Variants in FSTL5 observed in about 807,000 individuals in gnomAD.
The protein encoded by FSTL5 is follistatin like 5.
FSTL5 carries 62 observed loss-of-function variants against 89.1 expected under a neutral mutation model. The observed-to-expected ratio is 0.70, with a 90% CI of 0.57 to 0.86. The LOEUF is 0.86. Among genes scored for constraint, FSTL5 ranks in the 40% least tolerant of loss-of-function variants. The pLI is 0.00. For missense variants in FSTL5, 1,057 were observed against 1,001.6 expected, an observed-to-expected ratio of 1.06 and a Z score of -0.75; for synonymous variants, 383 against 346.2, an observed-to-expected ratio of 1.11 and a Z score of -1.18.
chr4:161,523,817 A>G (rs1161635412), intron 10 of FSTL5, among the ~76,000 whole-genome samples: 1 of 152,202 alleles, frequency 6.6e-6, no homozygotes, highest in Non-Finnish European at 1.5e-5. Flanking sequence ...TGCCTACTAT[A>G]TGTAAAAAAT....
chr4:161,662,128 CT>C (rs1736737235), intron 6 of FSTL5, among the ~76,000 whole-genome samples: 1 of 152,098 alleles, frequency 6.6e-6, no homozygotes, highest in African/African-American at 2.4e-5. Context: ...TGTGCTAAGA[CT>C]TTAAGGTGCC....
intron 1 of FSTL5, among the ~76,000 whole-genome samples, chr4:162,129,136 T>C (rs1732198178): frequency 6.6e-6 from 1 of 152,212 alleles, no homozygotes; most frequent in Admixed American, 6.6e-5. Flanking sequence ...TTTCGCCATG[T>C]TGACCAGGCT....
At chr4:161,731,406 T>G (rs916898702) in intron 6 of FSTL5, among the ~76,000 whole-genome samples, 1 of 152,092 alleles carries the variant, frequency 6.6e-6, no homozygotes. Flanking sequence ...AGGGGCAGAT[T>G]TCCCCCTTGC....
chr4:161,936,167 T>C (rs1228562536), intron 3 of FSTL5, among the ~76,000 whole-genome samples: 1 of 152,144 alleles, frequency 6.6e-6, no homozygotes, highest in Non-Finnish European at 1.5e-5. Context: ...CTTCCTTCAA[T>C]GGAATAGAGA....
chr4:161,563,403 C>T (rs1329857327), intron 8 of FSTL5, among the ~76,000 whole-genome samples: 1 of 151,932 alleles, frequency 6.6e-6, no homozygotes, highest in African/African-American at 2.4e-5. Context: ...TAATATTTTA[C>T]ATTTCCACTT....
At chr4:162,041,704 C>A (rs567114864) in intron 2 of FSTL5, 1 of 151,772 alleles carries the variant, frequency 6.6e-6, no homozygotes, top group Admixed American at 6.6e-5. Flanking sequence ...CTCAGTATTG[C>A]CCCAAATTAT....
At chr4:161,402,614 C>A (rs1224952463) in intron 15 of FSTL5, among the ~76,000 whole-genome samples, 2 of 152,148 alleles carry the variant, frequency 1.3e-5, no homozygotes, top group South Asian at 2.1e-4. Context: ...ACACTACACA[C>A]TCCCCGTGCA....
intron 9 of FSTL5, among the ~76,000 whole-genome samples, chr4:161,538,932 T>G (rs988772252): frequency 2.0e-5 from 3 of 151,714 alleles, no homozygotes; most frequent in Non-Finnish European, 4.4e-5. Flanking sequence ...CCGGGCTAAT[T>G]TTTTGTATCT....
intron 3 of FSTL5, among the ~76,000 whole-genome samples, chr4:162,002,573 C>T (rs149866325): frequency 6.6e-6 from 1 of 152,292 alleles, no homozygotes; most frequent in African/African-American, 2.4e-5. Context: ...TTGCTTCAGG[C>T]TATGTTTCAT....
intron 1 of FSTL5, among the ~76,000 whole-genome samples, chr4:162,118,283 C>CG (rs1731724358): frequency 6.7e-6 from 1 of 149,414 alleles, no homozygotes; most frequent in Admixed American, 6.6e-5. Flanking sequence ...TTTTTTTTGA[C>CG]GGAATCTCGC....
At chr4:161,443,065 T>A (rs1732831471) in intron 15 of FSTL5, among the ~76,000 whole-genome samples, 6 of 151,996 alleles carry the variant, frequency 3.9e-5, no homozygotes, top group Admixed American at 3.9e-4. Flanking sequence ...CTTCAAGTGC[T>A]GTGAAAATAG....
intron 13 of FSTL5, among the ~76,000 whole-genome samples, chr4:161,480,001 A>C (rs1210720498): frequency 6.6e-6 from 1 of 152,158 alleles, no homozygotes; most frequent in Non-Finnish European, 1.5e-5. Flanking sequence ...GTTGTTAATC[A>C]CTTTTAGAAT....
chr4:161,837,067 G>C (rs957279277), intron 4 of FSTL5, among the ~76,000 whole-genome samples: 9 of 152,098 alleles, frequency 5.9e-5, no homozygotes, highest in Admixed American at 2.0e-4. Context: ...TTTAATTTAA[G>C]AGTTTGTTAA....
intron 11 of FSTL5, among the ~76,000 whole-genome samples, chr4:161,505,558 A>C (rs1006756138): frequency 1.3e-5 from 2 of 152,190 alleles, no homozygotes. Flanking sequence ...GTACTGAAAA[A>C]CACTGAATGG....
chr4:161,651,829 C>T (rs1270807269), intron 7 of FSTL5, among the ~76,000 whole-genome samples: 1 of 152,136 alleles, frequency 6.6e-6, no homozygotes, highest in African/African-American at 2.4e-5. Flanking sequence ...GTCATAATGG[C>T]TCCTGCAGTT....
intron 6 of FSTL5, among the ~76,000 whole-genome samples, chr4:161,679,925 G>A (rs757512451): frequency 1.3e-5 from 2 of 151,588 alleles, no homozygotes; most frequent in Non-Finnish European, 3.0e-5. Flanking sequence ...ATATTAAACT[G>A]AGTACAAAAC....
intron 9 of FSTL5, among the ~76,000 whole-genome samples, chr4:161,538,744 C>T (rs1263976661): frequency 6.6e-6 from 1 of 151,920 alleles, no homozygotes; most frequent in East Asian, 1.9e-4. Flanking sequence ...TGCAGGTATA[C>T]TATTGCCATT....
chr4:161,582,425 T>C (rs1441104750), intron 8 of FSTL5, among the ~76,000 whole-genome samples: 1 of 152,208 alleles, frequency 6.6e-6, no homozygotes, highest in African/African-American at 2.4e-5. Flanking sequence ...TGTATTTTTA[T>C]CCAGTATTGT....
At chr4:161,426,598 AT>A (rs559609462) in intron 15 of FSTL5, among the ~76,000 whole-genome samples, 5 of 151,970 alleles carry the variant, frequency 3.3e-5, no homozygotes, top group Non-Finnish European at 5.9e-5. Context: ...ATAGAAGATA[AT>A]TTTTTTTGTT....
Sources: allele counts gnomAD v4.1 joint callset (sites outside exome capture counted in the v4.1 genomes callset), GRCh38; gene constraint gnomAD v4.1.1; transcripts MANE v1.5; gene names NCBI Gene and HGNC (gene_info 2026-07-23, HGNC 2026-07-21).